SLC2A14: variants seen among roughly 807,000 people sequenced by gnomAD.
The protein encoded by SLC2A14 is solute carrier family 2 member 14, also known as solute carrier family 2, facilitated glucose transporter member 14.
SLC2A14 carries 13 observed loss-of-function variants against 43.0 expected under a neutral mutation model. The ratio of observed to expected loss-of-function variants is 0.30; its 90% confidence interval spans 0.20 to 0.48. The LOEUF (loss-of-function observed/expected upper bound fraction) is 0.48, where lower values mean the gene tolerates loss of function less well. Ranked by LOEUF, SLC2A14 falls within the 20% of genes least tolerant of loss-of-function variation. The probability of loss-of-function intolerance (pLI) is 0.99; values close to 1 mark genes in which losing one functional copy is unlikely to be tolerated. For missense variants in SLC2A14, 428 were observed against 620.4 expected (o/e 0.69, Z 3.29); for synonymous variants, 190 against 233.8 (o/e 0.81, Z 1.71).
At chr12:7,886,151 C>CTGTTTTTTTTT (rs1945684984) in intron 1 of SLC2A14, among the ~76,000 whole-genome samples, 1 of 44,696 alleles carries the variant, frequency 2.2e-5, no homozygotes, top group East Asian at 7.2e-4. Flanking sequence ...GCCCGGACAG[C>CTGTTTTTTTTT]TTTTTTTTTT....
upstream of SLC2A14, among the ~76,000 whole-genome samples, chr12:7,874,266 C>A (rs1456195564): frequency 3.3e-5 from 5 of 152,034 alleles, no homozygotes; most frequent in African/African-American, 1.2e-4. Context: ...GGCTACCCCA[C>A]GATCCAAGAA....
chr12:7,845,778 C>CA (rs35933580), intron 2 of SLC2A14, among the ~76,000 whole-genome samples: 91,696 of 103,992 alleles, frequency 0.88, 40,462 homozygotes, highest in East Asian at 0.97. Context: ...GACTCCATCT[C>CA]AAAAAAAAAA....
At chr12:7,880,316 AATAC>A (rs968787556) in intron 1 of SLC2A14, among the ~76,000 whole-genome samples, 13 of 151,052 alleles carry the variant, frequency 8.6e-5, no homozygotes, top group African/African-American at 3.2e-4. Flanking sequence ...TAAATAAATA[AATAC>A]ATATTTTAAA....
At chr12:7,856,782 A>G (rs1034377730) in intron 2 of SLC2A14, among the ~76,000 whole-genome samples, 1 of 151,930 alleles carries the variant, frequency 6.6e-6, no homozygotes, top group Non-Finnish European at 1.5e-5. Flanking sequence ...ATTTCAGCAG[A>G]GTGGGATCAG....
intron 1 of SLC2A14, among the ~76,000 whole-genome samples, chr12:7,884,973 A>C (rs1463641342): frequency 6.6e-6 from 1 of 152,022 alleles, no homozygotes; most frequent in African/African-American, 2.4e-5. Flanking sequence ...TTTTTCAGGA[A>C]CCAAAAAACG....
intron 2 of SLC2A14, among the ~76,000 whole-genome samples, chr12:7,847,637 A>C (rs1297140423): frequency 6.6e-6 from 1 of 152,112 alleles, no homozygotes; most frequent in East Asian, 1.9e-4. Context: ...TCAATCCAAA[A>C]GGTCACCTTC....
intron 10 of SLC2A14, among the ~76,000 whole-genome samples, chr12:7,816,983 C>T (rs776577138): frequency 2.6e-5 from 4 of 152,218 alleles, no homozygotes; most frequent in South Asian, 2.1e-4. Flanking sequence ...CTAGGATTAC[C>T]GGCTTTGAGC....
chr12:7,862,801 T>C (rs528871582), intron 2 of SLC2A14, among the ~76,000 whole-genome samples: 2 of 152,158 alleles, frequency 1.3e-5, no homozygotes, highest in Non-Finnish European at 2.9e-5. Flanking sequence ...TTGACACTCT[T>C]TATCTAGCTG....
chr12:7,855,914 T>C (rs765030609), intron 2 of SLC2A14, among the ~76,000 whole-genome samples: 1 of 152,090 alleles, frequency 6.6e-6, no homozygotes, highest in East Asian at 1.9e-4. Flanking sequence ...GGATTACAGG[T>C]GTGAGCCACC....
At chr12:7,867,624 A>T (rs1944996848) in intron 2 of SLC2A14, among the ~76,000 whole-genome samples, 1 of 152,084 alleles carries the variant, frequency 6.6e-6, no homozygotes, top group Non-Finnish European at 1.5e-5. Context: ...AGGCAGGCAG[A>T]TCACAAGGTC....
intron 2 of SLC2A14, among the ~76,000 whole-genome samples, chr12:7,843,850 T>G (rs1221250151): frequency 1.3e-5 from 2 of 151,694 alleles, no homozygotes; most frequent in Admixed American, 6.6e-5. Context: ...ATTACAAAAC[T>G]GAACCTCTTC....
At chr12:7,868,945 G>T (rs1945072853) in intron 2 of SLC2A14, among the ~76,000 whole-genome samples, 1 of 152,104 alleles carries the variant, frequency 6.6e-6, no homozygotes, top group Non-Finnish European at 1.5e-5. Context: ...GGGAGTTCAA[G>T]ACCAGCCTGA....
At chr12:7,875,135 T>TTAAATATTATATTTAAAATTATATATATA (rs1945435579), upstream of SLC2A14, among the ~76,000 whole-genome samples, 1 of 109,450 alleles carries the variant, frequency 9.1e-6, no homozygotes, top group Non-Finnish European at 1.7e-5. Context: ...TTAAATATAT[T>TTAAATATTATATTTAAAATTATATATATA]TAAATATTAT....
intron 10 of SLC2A14, 32 bp downstream of exon 10, chr12:7,817,799 C>A: frequency 7.2e-7 from 1 of 1,390,508 alleles, no homozygotes; most frequent in Non-Finnish European, 1.0e-6. Context: ...TAGATAGATA[C>A]ATAGATACAT....
At chr12:7,881,539 G>A (rs944501759) in intron 1 of SLC2A14, among the ~76,000 whole-genome samples, 2 of 152,136 alleles carry the variant, frequency 1.3e-5, no homozygotes, top group African/African-American at 4.8e-5. Flanking sequence ...CTCAGGACCT[G>A]CAGCCCGCCA....
intron 2 of SLC2A14, among the ~76,000 whole-genome samples, chr12:7,837,167 A>C (rs77561862): frequency 7.1e-6 from 1 of 141,072 alleles, no homozygotes; most frequent in Admixed American, 7.0e-5. Flanking sequence ...ACTCCATCTC[A>C]AAAAAAAAAA....
chr12:7,858,394 A>G (rs2120976152), intron 2 of SLC2A14, among the ~76,000 whole-genome samples: 1 of 152,310 alleles, frequency 6.6e-6, no homozygotes, highest in Admixed American at 6.5e-5. Flanking sequence ...CATATTCTAG[A>G]TACAAGCCCC....
At chr12:7,839,419 G>A (rs753965381) in intron 2 of SLC2A14, among the ~76,000 whole-genome samples, 136 of 152,080 alleles carry the variant, frequency 8.9e-4, no homozygotes, top group African/African-American at 3.1e-3. Flanking sequence ...AGTGAAGCGG[G>A]GGCAGAGTGG....
chr12:7,827,111 TTCTTTTTATTTCTTTCTA>T (rs1864557896), intron 7 of SLC2A14, among the ~76,000 whole-genome samples: 1 of 148,022 alleles, frequency 6.8e-6, no homozygotes, highest in Non-Finnish European at 1.5e-5. Context: ...CTTTCTTTCT[TTCTTTTTATTTCTTTCTA>T]TAAGGAGTTC....
Sources: allele counts gnomAD v4.1 joint callset (sites outside exome capture counted in the v4.1 genomes callset), GRCh38; gene constraint gnomAD v4.1.1; transcripts MANE v1.5; gene names NCBI Gene and HGNC (gene_info 2026-07-23, HGNC 2026-07-21).